RARS1: variants seen among roughly 807,000 people sequenced by gnomAD.
The protein encoded by RARS1 is arginine--tRNA ligase, cytoplasmic.
Under a neutral mutation model 78.7 loss-of-function variants are expected in RARS1, and 75 were observed. The observed-to-expected ratio is 0.95, with a 90% CI of 0.79 to 1.15. The LOEUF (loss-of-function observed/expected upper bound fraction) is 1.15. Among genes scored for constraint, RARS1 ranks in the 50% most tolerant of loss-of-function variants. The pLI, the probability that RARS1 is intolerant of heterozygous loss-of-function variation, is 0.00. For missense variants in RARS1, 787 were observed against 787.5 expected (o/e 1.00, Z 0.01); for synonymous variants, 273 against 268.2 (o/e 1.02, Z -0.18).
At position 168,516,962 on chromosome 5, in the gene RARS1, T is replaced by C; in HGVS notation, c.1625+12T>C. ...TTCACTAGAATCAGGTAATTGTGGG[T>C]AGGCATTGTTTTATTGTGAATCAAA... On this transcript the variant is annotated intron_variant, in intron 13 of 14. Transcript: ENST00000231572. The C allele has an allele frequency of 6.2e-7, 1 of 1,610,794 alleles. No individual in the cohort carries two copies. The highest frequency in any genetic ancestry group is 8.5e-7 in the Non-Finnish European group (1 of 1,177,176).
chr5:168,486,910 A>C (rs150924504), intron 1 of RARS1, among the ~76,000 whole-genome samples: 1 of 152,260 alleles, frequency 6.6e-6, no homozygotes, highest in East Asian at 1.9e-4. Context: ...GGGGGAATAC[A>C]TTCAGAGCTC....
Position 168,501,548 on chromosome 5 carries a change from C to T in RARS1, c.953-453C>T, listed in dbSNP as rs546393596. Among the ~76,000 whole-genome samples, 9 of 152,044 alleles carry T rather than the reference C, an allele frequency of 5.9e-5. No homozygotes were observed. In the South Asian group the frequency reaches 1.5e-3, roughly 25 times the overall value. On this transcript the variant is annotated intron_variant, in intron 8 of 14. Coordinates refer to ENST00000231572, the MANE Select transcript of RARS1 (RefSeq NM_002887.4). ...GACCAGCCTGGCCAACATGGTGAAA[C>T]CCCATCTCTACTAAAAGTGGAAAAA...
chr5:168,487,154 A>G (rs1757982561), intron 1 of RARS1, among the ~76,000 whole-genome samples: 1 of 152,086 alleles, frequency 6.6e-6, no homozygotes, highest in Non-Finnish European at 1.5e-5. Flanking sequence ...CGATGTCAGG[A>G]GATCGAGACC....
Position 168,518,066 on chromosome 5 carries a change from A to AGT in RARS1, c.1873+7_1873+8dup, listed in dbSNP as rs1554123385. On this transcript the variant is annotated splice_donor_region_variant and intron_variant, in intron 14 of 14. Coordinates refer to ENST00000231572, the MANE Select transcript of RARS1 (RefSeq NM_002887.4). ...GTGGAGAAAGATAGACAGACTGGTG[A>AGT]GTGTCTTTTTTTTTTTTTTTTTTTT... The AGT allele has an allele frequency of 3.2e-6, 2 of 620,092 alleles. No individual in the cohort carries two copies. The highest frequency in any genetic ancestry group is 4.4e-6 in the Non-Finnish European group (2 of 453,670). The allele number at this position is 620,092 out of a possible 1,614,324, so 38.4% of individuals were successfully genotyped here.
At chr5:168,518,762 G>A (rs1758726320) in intron 14 of RARS1, among the ~76,000 whole-genome samples, 1 of 152,162 alleles carries the variant, frequency 6.6e-6, no homozygotes, top group African/African-American at 2.4e-5. Context: ...AATCACCACT[G>A]TGATAATGAG....
At chr5:168,504,930 T>C (rs1758406687) in intron 9 of RARS1, among the ~76,000 whole-genome samples, 1 of 152,150 alleles carries the variant, frequency 6.6e-6, no homozygotes, top group Admixed American at 6.5e-5. Flanking sequence ...TAAGCCACAG[T>C]GAACATGTTC....
chr5:168,508,048 A>G (rs74885621), intron 11 of RARS1, among the ~76,000 whole-genome samples: 3,615 of 152,226 alleles, frequency 0.024, 117 homozygotes, highest in African/African-American at 0.082. Context: ...ATAACTAAGA[A>G]GACACTAAGT....
rs1015263731 is a variant in RARS1, at chr5:168,497,674, A to G, written c.822+326A>G. Among the ~76,000 whole-genome samples the G allele has an allele frequency of 1.1e-4, 16 of 152,220 alleles. 1 individual carries two copies. In the South Asian group the frequency reaches 1.7e-3, roughly 16 times the overall value. On this transcript the variant is annotated intron_variant, in intron 7 of 14. Transcript: ENST00000231572. ...AATGGGAACAGACTAATTGATAAAC[A>G]TATAAAATTTGTTCATCTACACTGG...
intron 9 of RARS1, among the ~76,000 whole-genome samples, chr5:168,505,285 A>AC (rs11423188): frequency 1.3e-5 from 2 of 152,224 alleles, no homozygotes; most frequent in South Asian, 2.1e-4. Flanking sequence ...TAGCACTCTT[A>AC]ATAGCTGCTA....
intron 2 of RARS1, among the ~76,000 whole-genome samples, chr5:168,491,084 C>A (rs11738671): frequency 6.6e-6 from 1 of 152,094 alleles, no homozygotes; most frequent in Admixed American, 6.5e-5. Context: ...TTGCAGTGAG[C>A]CAAAATCGTG....
chr5:168,494,220 G>A (rs1758137716), intron 4 of RARS1: 1 of 981,528 alleles, frequency 1.0e-6, no homozygotes, highest in Non-Finnish European at 1.2e-6. Context: ...GCCTCTCTGT[G>A]ATTCAGTTTT....
Position 168,518,009 on chromosome 5 carries a change from C to T in RARS1, c.1820C>T (p.Ala607Val). Residue 607 changes from alanine to valine, a missense_variant, in exon 14 of 15, where the codon GCT (alanine) becomes GTT (valine). By Grantham distance (64) the Ala-to-Val change is moderately conservative. Transcript: ENST00000231572. ...LCDYIYELAT[A>V]FTEFYDSCYC... ...GATTATATATATGAGCTGGCAACTGCTTTCACAGAGTTCTATGATAGCTGC... is the reference window on the plus strand; with the variant it reads ...GATTATATATATGAGCTGGCAACTGTTTTCACAGAGTTCTATGATAGCTGC... The T allele has an allele frequency of 6.4e-7, 1 of 1,568,940 alleles. No homozygotes were observed. The highest frequency in any genetic ancestry group is 8.6e-7 in the Non-Finnish European group (1 of 1,157,786).
intron 12 of RARS1, among the ~76,000 whole-genome samples, 161 bp from the exon 13 acceptor site, chr5:168,516,617 T>G (rs953159193): frequency 2.6e-5 from 4 of 152,270 alleles, no homozygotes; most frequent in African/African-American, 9.6e-5. Context: ...ATTTTGTTTG[T>G]ACATTGGCCC....
At chr5:168,488,158 C>A in intron 1 of RARS1, 1 of 373,952 alleles carries the variant, frequency 2.7e-6, no homozygotes, top group Non-Finnish European at 5.2e-6. Flanking sequence ...AACAGAGTCT[C>A]GCTCTGTCAA....
intron 12 of RARS1, among the ~76,000 whole-genome samples, chr5:168,514,309 TTTCCGCA>T: frequency 6.6e-6 from 1 of 152,164 alleles, no homozygotes; most frequent in African/African-American, 2.4e-5. Flanking sequence ...TGCTACTACT[TTTCCGCA>T]TTCTGTTATT....
intron 12 of RARS1, among the ~76,000 whole-genome samples, chr5:168,513,288 G>A (rs1758601992): frequency 6.8e-6 from 1 of 146,796 alleles, no homozygotes; most frequent in Admixed American, 6.9e-5. Context: ...TCAATCTCGT[G>A]ACCTCGTGAT....
chr5:168,489,957 G>A (rs1311427662), intron 2 of RARS1, among the ~76,000 whole-genome samples: 1 of 152,020 alleles, frequency 6.6e-6, no homozygotes, highest in Non-Finnish European at 1.5e-5. Flanking sequence ...TGGGATTACA[G>A]GCATGCACCA....
In RARS1 at chr5:168,504,241, C is replaced by T. The variant is rs577225746; in HGVS notation, c.1058-1780C>T. Among the ~76,000 whole-genome samples the T allele has an allele frequency of 1.3e-3, 199 of 151,864 alleles. 3 individuals are homozygous for T. Among genetic ancestry groups the T allele is most frequent in the Middle Eastern group, 3.4e-3 (1 of 294 alleles). ...TCTACAAATTAAAAAATTAGCCAGG[C>T]GTGGCTGGGCGTGGTGGCTCACACC... is the stretch of plus-strand genomic sequence containing the variant. On this transcript the variant is annotated intron_variant, in intron 9 of 14. Coordinates refer to ENST00000231572, the MANE Select transcript of RARS1 (RefSeq NM_002887.4).
intron 12 of RARS1, among the ~76,000 whole-genome samples, chr5:168,511,856 C>T (rs564334197): frequency 4.6e-5 from 7 of 151,824 alleles, no homozygotes; most frequent in Non-Finnish European, 1.0e-4. Flanking sequence ...ATCAGTAGTT[C>T]ATATGTTTTT....
Sources: gnomAD v4.1 joint callset for allele counts (sites outside exome capture counted in the v4.1 genomes callset) on GRCh38, gnomAD v4.1.1 for gene constraint, MANE v1.5 for transcripts, NCBI Gene and HGNC (gene_info 2026-07-23, HGNC 2026-07-21) for gene names.